Variants in ASAP2 observed in about 807,000 individuals in gnomAD.
The protein encoded by ASAP2 is ArfGAP with SH3 domain, ankyrin repeat and PH domain 2.
ASAP2 carries 45 observed loss-of-function variants against 131.4 expected under a neutral mutation model. That is an observed-to-expected ratio of 0.34 (90% CI 0.27 to 0.44). The LOEUF (loss-of-function observed/expected upper bound fraction) is 0.44. Ranked by LOEUF, ASAP2 falls within the 20% of genes least tolerant of loss-of-function variation. ASAP2 has a pLI of 1.00. For synonymous variants in ASAP2, 510 were observed against 503.0 expected, an observed-to-expected ratio of 1.01 and a Z score of -0.19; for missense variants, 1,011 against 1,297.0, an observed-to-expected ratio of 0.78 and a Z score of 3.39.
At chr2:9,325,726 T>C (rs977743188) in intron 6 of ASAP2, among the ~76,000 whole-genome samples, 7 of 152,214 alleles carry the variant, frequency 4.6e-5, no homozygotes, top group Non-Finnish European at 1.0e-4. Context: ...ACTAAGTCAT[T>C]TATTTTAATG....
rs375988003 is a variant in ASAP2 at position 9,306,174 on chromosome 2, G to A, written c.345+8729G>A. Among the ~76,000 whole-genome samples the A allele has an allele frequency of 6.0e-3, 903 of 150,694 alleles. 12 individuals carry two copies. Among genetic ancestry groups the A allele is most frequent in the African/African-American group, 0.021 (870 of 40,614 alleles). On this transcript the variant is annotated intron_variant, in intron 3 of 27. Coordinates refer to ENST00000281419, the MANE Select transcript of ASAP2 (RefSeq NM_003887.3). ...GACATGGGGTGGAGGGGCTCTAGGG[G>A]TGTAGAGAGGGAGTGGAAGCGCTGC...
chr2:9,225,813 A>G (rs1019534724), intron 1 of ASAP2, among the ~76,000 whole-genome samples: 2 of 152,198 alleles, frequency 1.3e-5, no homozygotes, highest in Admixed American at 1.3e-4. Context: ...GAAGGGACGT[A>G]TTCCAGGGAA....
chr2:9,251,775 G>A (rs1467380006), intron 1 of ASAP2, among the ~76,000 whole-genome samples: 4 of 152,060 alleles, frequency 2.6e-5, no homozygotes, highest in Non-Finnish European at 5.9e-5. Context: ...GACGCAAGGG[G>A]AAGGTGGCTG....
chr2:9,346,340 G>A (rs1018600689), intron 11 of ASAP2, among the ~76,000 whole-genome samples: 2 of 151,862 alleles, frequency 1.3e-5, no homozygotes, highest in African/African-American at 2.4e-5. Flanking sequence ...ATTGCTTGAG[G>A]CAGGAGAATT....
intron 1 of ASAP2, among the ~76,000 whole-genome samples, chr2:9,248,296 G>A (rs1009112818): frequency 3.9e-5 from 6 of 152,250 alleles, no homozygotes; most frequent in East Asian, 3.9e-4. Context: ...TTCAGCATTT[G>A]TTAATAAAAG....
intron 4 of ASAP2, among the ~76,000 whole-genome samples, chr2:9,319,094 G>A (rs1375089860): frequency 6.6e-6 from 1 of 152,200 alleles, no homozygotes. Flanking sequence ...CAGGCCAGGA[G>A]CTGTTTAAGG....
At chr2:9,310,377 T>C (rs919193887) in intron 3 of ASAP2, among the ~76,000 whole-genome samples, 1 of 152,226 alleles carries the variant, frequency 6.6e-6, no homozygotes, top group African/African-American at 2.4e-5. Context: ...AAAAGCTGAT[T>C]ATCCTCGAAG....
intron 9 of ASAP2, among the ~76,000 whole-genome samples, chr2:9,343,314 G>A (rs923181139): frequency 6.6e-6 from 1 of 152,158 alleles, no homozygotes; most frequent in Non-Finnish European, 1.5e-5. Flanking sequence ...CCCTTTCCTG[G>A]TTGACCTGTG....
chr2:9,380,548 C>G (rs1343701864), intron 19 of ASAP2, among the ~76,000 whole-genome samples, 193 bp from the exon 20 acceptor site: 1 of 152,200 alleles, frequency 6.6e-6, no homozygotes, highest in African/African-American at 2.4e-5. Context: ...GTTTTACCTT[C>G]TGTATTTAGC....
At chr2:9,241,169 C>A (rs1280200180) in intron 1 of ASAP2, among the ~76,000 whole-genome samples, 1 of 152,194 alleles carries the variant, frequency 6.6e-6, no homozygotes, top group Non-Finnish European at 1.5e-5. Flanking sequence ...AAAACACATT[C>A]TAAGATGAAA....
chr2:9,401,598 G>A (rs571579904), intron 27 of ASAP2, among the ~76,000 whole-genome samples: 1 of 152,300 alleles, frequency 6.6e-6, no homozygotes, highest in East Asian at 1.9e-4. Context: ...ATTCCCCAGG[G>A]TGGCTTCCTC....
At chr2:9,319,951 A>G (rs1670050200) in intron 4 of ASAP2, among the ~76,000 whole-genome samples, 2 of 152,208 alleles carry the variant, frequency 1.3e-5, no homozygotes, top group South Asian at 4.1e-4. Context: ...TTTGCAGATG[A>G]AAGGTTGTCT....
intron 1 of ASAP2, among the ~76,000 whole-genome samples, chr2:9,231,467 A>T (rs896415622): frequency 6.6e-6 from 1 of 152,132 alleles, no homozygotes; most frequent in African/African-American, 2.4e-5. Context: ...GGTACCTGCT[A>T]CCCGTTCGCT....
In ASAP2 at chr2:9,397,741, TA is replaced by T. The variant is rs1558403280; in HGVS notation, c.2685-2281del. Among the ~76,000 whole-genome samples, 69 of 93,446 alleles carry T rather than the reference TA, an allele frequency of 7.4e-4. No homozygotes were observed. In the East Asian group the frequency reaches 7.6e-3, roughly 10 times the overall value. The allele number at this position is 93,446 out of a possible 152,430, so 61.3% of individuals were successfully genotyped here. A position where few individuals can be genotyped will look rare whatever the true frequency, so the allele number is the denominator to read the frequency against. On this transcript the variant is annotated intron_variant, in intron 24 of 27. Coordinates refer to ENST00000281419, the MANE Select transcript of ASAP2 (RefSeq NM_003887.3). Reference sequence around the variant, plus strand: ...AAAATCAAAAGGATATATATATATATATATATATATTTTTTTTTTTTTTTTT... The same window carrying T: ...AAAATCAAAAGGATATATATATATATTATATATATTTTTTTTTTTTTTTTT...
At chr2:9,307,309 G>A (rs1669008839) in intron 3 of ASAP2, among the ~76,000 whole-genome samples, 1 of 152,186 alleles carries the variant, frequency 6.6e-6, no homozygotes, top group Non-Finnish European at 1.5e-5. Context: ...ACTGCCCCAA[G>A]GACAGCCTGG....
At chr2:9,395,085 C>T (rs937588145) in intron 24 of ASAP2, among the ~76,000 whole-genome samples, 3 of 152,288 alleles carry the variant, frequency 2.0e-5, no homozygotes, top group African/African-American at 4.8e-5. Flanking sequence ...GAATGACTTC[C>T]GCCATACGTC....
At chr2:9,211,875 A>G (rs1572167860) in intron 1 of ASAP2, among the ~76,000 whole-genome samples, 1 of 152,368 alleles carries the variant, frequency 6.6e-6, no homozygotes, top group East Asian at 1.9e-4. Context: ...TGCTGTCTTC[A>G]GAAGGACATC....
chr2:9,208,397 A>ATTTTTTTTTTTTTGTTTTTT (rs199764191), intron 1 of ASAP2, among the ~76,000 whole-genome samples: 1 of 126,232 alleles, frequency 7.9e-6, no homozygotes, highest in Non-Finnish European at 1.7e-5. Context: ...CAATGGCGTT[A>ATTTTTTTTTTTTTGTTTTTT]TTTTTTTTTT....
At chr2:9,307,645 G>A (rs1669032825) in intron 3 of ASAP2, among the ~76,000 whole-genome samples, 1 of 152,218 alleles carries the variant, frequency 6.6e-6, no homozygotes, top group South Asian at 2.1e-4. Flanking sequence ...AGAGGGCCCA[G>A]TTTTCTCTCC....
Sources: allele counts gnomAD v4.1 joint callset (sites outside exome capture counted in the v4.1 genomes callset), GRCh38; gene constraint gnomAD v4.1.1; transcripts MANE v1.5; gene names NCBI Gene and HGNC (gene_info 2026-07-23, HGNC 2026-07-21).